SIN3A: variants seen among roughly 807,000 people sequenced by gnomAD.
SIN3A encodes the protein paired amphipathic helix protein Sin3a.
A neutral mutation model predicts 146.1 loss-of-function variants in SIN3A; 14 were observed. The ratio of observed to expected loss-of-function variants is 0.10; its 90% confidence interval spans 0.06 to 0.15. The LOEUF (loss-of-function observed/expected upper bound fraction) is 0.15. Among genes scored for constraint, SIN3A ranks in the 10% least tolerant of loss-of-function variants. SIN3A has a pLI of 1.00. For missense variants in SIN3A, 1,028 were observed against 1,576.0 expected (o/e 0.65, Z 5.89); for synonymous variants, 572 against 572.0 (o/e 1.00, Z 0.00).
At chr15:75,407,165 CAT>C (rs769257348) in intron 8 of SIN3A, 21 bp from the exon 9 acceptor site, 71 of 1,519,612 alleles carry the variant, frequency 4.7e-5, no homozygotes, top group Non-Finnish European at 5.7e-5. Flanking sequence ...AAGATACAAA[CAT>C]GTGAGATTCA....
intron 19 of SIN3A, among the ~76,000 whole-genome samples, chr15:75,379,518 G>C (rs932722079): frequency 6.6e-6 from 1 of 152,192 alleles, no homozygotes; most frequent in African/African-American, 2.4e-5. Context: ...ATGATGACAG[G>C]TTTATTGTAG....
intron 1 of SIN3A, among the ~76,000 whole-genome samples, chr15:75,449,152 C>G (rs1233173213): frequency 1.3e-5 from 2 of 152,228 alleles, no homozygotes; most frequent in Non-Finnish European, 2.9e-5. Flanking sequence ...TCGTTCTCCA[C>G]TATCTCTCTC....
chr15:75,414,266 C>G lies in SIN3A; in HGVS notation c.412G>C (p.Gly138Arg). 6.4e-7 allele frequency: 1 copy of G among 1,560,616 alleles called. No homozygotes were observed. ...TCATTGTAGACCTGAGGCTGACTAC[C>G]AAACTGCAGCTTCACCTGGTCAAGA... ...SYLDQVKLQF[G>R]SQPQVYNDFL... Residue 138 changes from glycine to arginine, a missense_variant, in exon 4 of 21, where the codon GGT becomes CGT. Coordinates refer to ENST00000394947, the MANE Select transcript of SIN3A (RefSeq NM_001145358.2).
intron 19 of SIN3A, among the ~76,000 whole-genome samples, chr15:75,379,299 T>C (rs1209961026): frequency 6.6e-6 from 1 of 152,218 alleles, no homozygotes. Flanking sequence ...AAACAAAAGC[T>C]TTTTGGAGTA....
At chr15:75,450,069 C>T (rs1422131889) in intron 1 of SIN3A, among the ~76,000 whole-genome samples, 2 of 152,058 alleles carry the variant, frequency 1.3e-5, no homozygotes, top group Non-Finnish European at 2.9e-5. Flanking sequence ...CATGAGCCAC[C>T]GCGCCCGTCC....
At chr15:75,408,169 C>T (rs541038184) in intron 8 of SIN3A, among the ~76,000 whole-genome samples, 3 of 152,132 alleles carry the variant, frequency 2.0e-5, no homozygotes, top group South Asian at 4.1e-4. Context: ...TTTTAAGCCC[C>T]CACTATATTC....
chr15:75,381,761 T>C, intron 17 of SIN3A, 56 bp from the exon 18 acceptor site: 2 of 1,410,576 alleles, frequency 1.4e-6, no homozygotes, highest in East Asian at 2.3e-5. Context: ...CTGTAATCTA[T>C]CTTCTCAAGG....
intron 3 of SIN3A, 59 bp from the exon 4 acceptor site, chr15:75,414,370 A>G (rs1272841878): frequency 2.3e-6 from 2 of 866,068 alleles, no homozygotes; most frequent in Non-Finnish European, 3.3e-6. Flanking sequence ...ATTACAAAAA[A>G]AAAACAAAAA....
At chr15:75,381,347 GAAA>G (rs2072964044) in intron 18 of SIN3A, among the ~76,000 whole-genome samples, 1 of 152,094 alleles carries the variant, frequency 6.6e-6, no homozygotes, top group Admixed American at 6.6e-5. Context: ...TATACTTTAG[GAAA>G]AAACAGGAAA....
chr15:75,414,801 T>C (rs1247441291), intron 3 of SIN3A, among the ~76,000 whole-genome samples: 1 of 152,096 alleles, frequency 6.6e-6, no homozygotes, highest in Non-Finnish European at 1.5e-5. Flanking sequence ...CCCCAGGAGG[T>C]AATGTATAAA....
chr15:75,378,979 C>CA (rs746451333), intron 19 of SIN3A, among the ~76,000 whole-genome samples: 13 of 151,830 alleles, frequency 8.6e-5, no homozygotes, highest in Non-Finnish European at 1.8e-4. Flanking sequence ...CCACTCACTG[C>CA]AACCTCCGCC....
intron 12 of SIN3A, among the ~76,000 whole-genome samples, chr15:75,399,623 G>A (rs1225223911): frequency 6.6e-6 from 1 of 152,202 alleles, no homozygotes; most frequent in Non-Finnish European, 1.5e-5. Context: ...CTCAGAGCTG[G>A]TTTGCTAACC....
In SIN3A at chr15:75,372,183, T is replaced by G. The variant is rs1258315086; in HGVS notation, c.3618A>C (p.Leu1206=). 4 of 1,611,762 alleles carry G rather than the reference T, an allele frequency of 2.5e-6. No individual in the cohort carries two copies. In the African/African-American group the frequency reaches 5.3e-5, roughly 22 times the overall value. Residue 1206 remains leucine, a synonymous_variant, in exon 21 of 21, where the codon CTA becomes CTC. Transcript: ENST00000394947. ...HQSHERVSKR[L]HQRFQAWVDK... ...CTACCCAGGCCTGGAATCTCTGATG[T>G]AGACGCTTGCTTACACGCTCATGGG...
intron 1 of SIN3A, among the ~76,000 whole-genome samples, chr15:75,442,378 G>A (rs1261357796): frequency 6.8e-6 from 1 of 146,468 alleles, no homozygotes; most frequent in Non-Finnish European, 1.5e-5. Flanking sequence ...TCACTATGTT[G>A]CCCAGGCTGG....
chr15:75,412,692 AG>A, intron 5 of SIN3A, 70 bp downstream of exon 5: 1 of 1,390,770 alleles, frequency 7.2e-7, no homozygotes, highest in Non-Finnish European at 9.7e-7. Flanking sequence ...TCTTATATAA[AG>A]GGGAAACATC....
At chr15:75,380,843 A>G (rs1311701214) in intron 18 of SIN3A, 120 bp from the exon 19 acceptor site, 7 of 702,956 alleles carry the variant, frequency 1.0e-5, no homozygotes, top group African/African-American at 7.1e-5. Context: ...TCAAGATCAA[A>G]AAAGTCCCTT....
At chr15:75,436,262 A>C (rs2074106858) in intron 1 of SIN3A, 2 of 152,368 alleles carry the variant, frequency 1.3e-5, no homozygotes, top group African/African-American at 4.8e-5. Flanking sequence ...TCTTGAGCAC[A>C]GGAGTTCAAG....
rs772446371 is a variant in SIN3A, at chr15:75,401,953, C to A, written c.1425G>T (p.Arg475=). The change falls in exon 10 of 21, where the codon CGG becomes CGT. Residue 475 remains arginine (R), a synonymous_variant. Transcript: ENST00000394947. The part of the protein sequence containing the change: ...LFFDKVRKAL[R]SAEAYENFLR... ...GGAAATTTTCGTAGGCTTCTGCACT[C>A]CGAAGAGCCTTTCGGACCTTATGGA... 6.2e-7 allele frequency: 1 copy of A among 1,611,842 alleles called. No individual in the cohort carries two copies. Among genetic ancestry groups the A allele is most frequent in the East Asian group, 2.2e-5 (1 of 44,836 alleles).
intron 17 of SIN3A, among the ~76,000 whole-genome samples, chr15:75,381,945 G>A (rs1472700465): frequency 6.6e-6 from 1 of 152,010 alleles, no homozygotes; most frequent in East Asian, 1.9e-4. Context: ...TCTAGAATTC[G>A]CTAAAATAAT....
Sources: allele counts gnomAD v4.1 joint callset (sites outside exome capture counted in the v4.1 genomes callset), GRCh38; gene constraint gnomAD v4.1.1; transcripts MANE v1.5; gene names NCBI Gene and HGNC (gene_info 2026-07-23, HGNC 2026-07-21).